Variants in DCX observed in about 807,000 individuals in gnomAD.
The protein encoded by DCX is doublecortin, also known as neuronal migration protein doublecortin.
DCX carries 4 observed loss-of-function variants against 20.9 expected under a neutral mutation model. That is an observed-to-expected ratio of 0.19 (90% CI 0.09 to 0.44). The LOEUF (loss-of-function observed/expected upper bound fraction) is 0.44. DCX is among the 20% of genes least tolerant of loss of function. The pLI is 0.99. For missense variants in DCX, 133 were observed against 296.9 expected (o/e 0.45, Z 4.06); for synonymous variants, 103 against 111.4 (o/e 0.92, Z 0.47).
intron 2 of DCX, among the ~76,000 whole-genome samples, chrX:111,402,820 T>TGTGC: frequency 1.2e-5 from 1 of 80,169 alleles, no homozygotes; most frequent in African/African-American, 4.3e-5. Flanking sequence ...TGTGTGTGTG[T>TGTGC]GCGGAGGGGG....
intron 3 of DCX, among the ~76,000 whole-genome samples, chrX:111,350,177 A>G (rs755162813): frequency 1.5e-4 from 17 of 111,386 alleles, no homozygotes; most frequent in Non-Finnish European, 2.6e-4. Flanking sequence ...AATCCAAAAA[A>G]CAAGGGAGCC....
intron 3 of DCX, among the ~76,000 whole-genome samples, chrX:111,335,289 T>C (rs1043321630): frequency 1.8e-5 from 2 of 112,136 alleles, no homozygotes; most frequent in Admixed American, 1.9e-4. Flanking sequence ...CCCCACCGGA[T>C]CACAGGTTTC....
intron 3 of DCX, among the ~76,000 whole-genome samples, chrX:111,360,120 A>G (rs765431977): frequency 1.8e-5 from 2 of 112,208 alleles, no homozygotes; most frequent in Non-Finnish European, 3.8e-5. Context: ...TCCATACTAT[A>G]GAATATTATA....
chrX:111,395,689 G>T (rs1278384122), intron 3 of DCX, among the ~76,000 whole-genome samples: 1 of 112,189 alleles, frequency 8.9e-6, no homozygotes, highest in African/African-American at 3.2e-5. Context: ...ACCTCTGAAA[G>T]GTTGGAGAAG....
At chrX:111,328,069 T>C (rs746166434) in intron 5 of DCX, among the ~76,000 whole-genome samples, 1 of 112,503 alleles carries the variant, frequency 8.9e-6, no homozygotes, top group East Asian at 2.8e-4. Flanking sequence ...TTCTTTAAAC[T>C]GAGAACACCA....
chrX:111,332,475 C>T (rs1034493881), intron 4 of DCX, among the ~76,000 whole-genome samples: 2 of 111,779 alleles, frequency 1.8e-5, no homozygotes, highest in Non-Finnish European at 3.8e-5. Flanking sequence ...AGCTAATTAA[C>T]CTTTAATGTA....
At position 111,374,545 on chromosome X, in the gene DCX, G is replaced by A. The variant is rs140763560; in HGVS notation, c.705+26445C>T. Reference sequence around the variant, plus strand: ...ACTGTCTCTTGATATGCTCAGTTTTGCAGCAGGGTGACTGCTGCAGGCTAC... The same window carrying A: ...ACTGTCTCTTGATATGCTCAGTTTTACAGCAGGGTGACTGCTGCAGGCTAC... On this transcript the variant is annotated intron_variant, in intron 3 of 6. Coordinates refer to ENST00000636035, the MANE Select transcript of DCX (RefSeq NM_001195553.2). Among the ~76,000 whole-genome samples, 611 of 111,338 alleles carry A rather than the reference G, an allele frequency of 5.5e-3. 3 individuals carry two copies. Among genetic ancestry groups the A allele is most frequent in the African/African-American group, 0.018 (555 of 30,627 alleles).
intron 4 of DCX, 39 bp downstream of exon 4, chrX:111,333,012 G>A: frequency 1.0e-6 from 1 of 988,126 alleles, no homozygotes; most frequent in Non-Finnish European, 1.4e-6. Flanking sequence ...TAGAAGGGGA[G>A]AGAACAATGG....
intron 3 of DCX, among the ~76,000 whole-genome samples, chrX:111,345,633 T>C (rs1922736669): frequency 9.0e-6 from 1 of 110,879 alleles, no homozygotes. Flanking sequence ...CCAACAAACA[T>C]AGGAAAAAAA....
intron 2 of DCX, among the ~76,000 whole-genome samples, chrX:111,403,165 T>C (rs1020947750): frequency 8.9e-6 from 1 of 112,009 alleles, no homozygotes; most frequent in Non-Finnish European, 1.9e-5. Context: ...AATGGTCTCT[T>C]GACTTAGCAG....
intron 3 of DCX, among the ~76,000 whole-genome samples, chrX:111,361,618 A>C (rs1924217171): frequency 8.9e-6 from 1 of 112,280 alleles, no homozygotes. Flanking sequence ...AAATAAACCA[A>C]TCCCAAATAC....
chrX:111,385,801 G>A (rs866386517), intron 3 of DCX, among the ~76,000 whole-genome samples: 1 of 91,102 alleles, frequency 1.1e-5, no homozygotes, highest in African/African-American at 4.3e-5. Context: ...AGGAAGGAAG[G>A]AAGGAAGGAA....
chrX:111,337,222 G>T lies in DCX; in HGVS notation c.706-4069C>A, dbSNP rs191068692. Among the ~76,000 whole-genome samples the T allele has an allele frequency of 9.8e-5, 11 of 111,758 alleles. No homozygotes were observed. In the East Asian group the frequency reaches 3.1e-3, roughly 31 times the overall value. ...ATTACAGCATCCTCAGGGATCAAAG[G>T]TCTTGCTGACATCAGCTTCAGTATG... On this transcript the variant is annotated intron_variant, in intron 3 of 6. Transcript: ENST00000636035.
intron 1 of DCX, 170 bp from the exon 2 acceptor site, chrX:111,410,590 AC>A (rs1178327667): frequency 4.8e-6 from 4 of 831,514 alleles, no homozygotes; most frequent in Non-Finnish European, 5.3e-6. Context: ...CTTGCCCCTG[AC>A]CTGCAGGAAT....
chrX:111,398,940 C>A (rs1330222690), intron 3 of DCX, among the ~76,000 whole-genome samples: 2 of 110,557 alleles, frequency 1.8e-5, no homozygotes, highest in East Asian at 5.7e-4. Context: ...CAGTGAAAAC[C>A]CGTTTCTACT....
At chrX:111,367,339 GGT>G (rs1924702103) in intron 3 of DCX, among the ~76,000 whole-genome samples, 1 of 111,711 alleles carries the variant, frequency 9.0e-6, no homozygotes, top group Admixed American at 9.5e-5. Flanking sequence ...GACTGACCCT[GGT>G]GTGAAATCTA....
At chrX:111,323,604 T>G (rs182888718) in intron 5 of DCX, among the ~76,000 whole-genome samples, 1,963 of 66,021 alleles carry the variant, frequency 0.03, 47 homozygotes, top group African/African-American at 0.21. Flanking sequence ...ATTATTTCTG[T>G]TTTTTTTTTT....
intron 2 of DCX, among the ~76,000 whole-genome samples, chrX:111,401,894 G>C (rs1276699771): frequency 8.9e-6 from 1 of 112,318 alleles, no homozygotes; most frequent in East Asian, 2.8e-4. Context: ...TTTGCACAGA[G>C]TATATGGCCA....
At chrX:111,404,733 A>C (rs1363134048) in intron 2 of DCX, among the ~76,000 whole-genome samples, 2 of 112,419 alleles carry the variant, frequency 1.8e-5, no homozygotes. Flanking sequence ...TTAAATGTTA[A>C]GAAAATAGCT....
Sources: gnomAD v4.1 joint callset for allele counts (sites outside exome capture counted in the v4.1 genomes callset) on GRCh38, gnomAD v4.1.1 for gene constraint, MANE v1.5 for transcripts, NCBI Gene and HGNC (gene_info 2026-07-23, HGNC 2026-07-21) for gene names.